CPE: variants seen among roughly 807,000 people sequenced by gnomAD.
CPE encodes the protein carboxypeptidase E.
In CPE, 17 loss-of-function variants were observed where a neutral mutation model predicts 53.5. That is an observed-to-expected ratio of 0.32 (90% CI 0.22 to 0.48). The LOEUF is 0.48. CPE is among the 20% of genes least tolerant of loss of function. The pLI is 0.99. For synonymous variants in CPE, 226 were observed against 228.8 expected (o/e 0.99, Z 0.11); for missense variants, 524 against 614.7 (o/e 0.85, Z 1.56).
chr4:165,481,014 A>ATTT (rs1292540755), intron 3 of CPE, among the ~76,000 whole-genome samples: 13 of 52,998 alleles, frequency 2.5e-4, no homozygotes, highest in African/African-American at 5.5e-4. Flanking sequence ...ATATATATAT[A>ATTT]TATTTTTTTT....
At chr4:165,459,862 C>CCGAGATTGTGCCACTGCACT in intron 1 of CPE, among the ~76,000 whole-genome samples, 1 of 143,904 alleles carries the variant, frequency 6.9e-6, no homozygotes, top group African/African-American at 2.6e-5. Context: ...CTGCAGTGAG[C>CCGAGATTGTGCCACTGCACT]CGAGATTGTG....
chr4:165,450,064 A>AACGGTGAAATT (rs1731783020), intron 1 of CPE, among the ~76,000 whole-genome samples: 11 of 152,154 alleles, frequency 7.2e-5, no homozygotes, highest in Admixed American at 7.2e-4. Context: ...ACATGAAATT[A>AACGGTGAAATT]AAGGTGATTC....
At position 165,484,418 on chromosome 4, in the gene CPE, C is replaced by G. The variant is rs572029817; in HGVS notation, c.791-4C>G. On this transcript the variant is annotated splice_polypyrimidine_tract_variant and splice_region_variant and intron_variant, in intron 4 of 8. Coordinates refer to ENST00000402744, the MANE Select transcript of CPE (RefSeq NM_001873.4). ...TTCTTTAATCTTGTGGATTTGTTTT[C>G]TAGGTAGTGCTCACGAATACAGCTC... The G allele has an allele frequency of 6.2e-7, 1 of 1,612,106 alleles. No homozygotes were observed. Among genetic ancestry groups the G allele is most frequent in the Non-Finnish European group, 8.5e-7 (1 of 1,178,756 alleles).
rs575236443 is a variant in CPE at position 165,451,931 on chromosome 4, G to A, written c.308-12459G>A. 1.7e-4 allele frequency among the ~76,000 whole-genome samples: 25 copies of A among 143,152 alleles called. No individual in the cohort carries two copies. The East Asian group carries it at 3.8e-3, about 22-fold the overall frequency. 93.9% of individuals were successfully genotyped at this position (143,152 alleles called of 152,430 possible). A position where few individuals can be genotyped will look rare whatever the true frequency, so the allele number is the denominator to read the frequency against. On this transcript the variant is annotated intron_variant, in intron 1 of 8. Coordinates refer to ENST00000402744, the MANE Select transcript of CPE (RefSeq NM_001873.4). ...GCCACGTACCGCCCCCCCAACCCCC[G>A]TTTTTTTTTTCGTTTTTTTTAAACA... is the stretch of plus-strand genomic sequence containing the variant.
chr4:165,427,194 T>C (rs1438119), intron 1 of CPE, among the ~76,000 whole-genome samples: 75,686 of 151,972 alleles, frequency 0.5, 19,488 homozygotes, highest in African/African-American at 0.63. Context: ...GGCAAGCCCC[T>C]TGTGCAAAAT....
At chr4:165,485,643 T>G (rs1301227609) in intron 5 of CPE, among the ~76,000 whole-genome samples, 4 of 152,204 alleles carry the variant, frequency 2.6e-5, no homozygotes, top group African/African-American at 9.6e-5. Flanking sequence ...CTTTAATGAC[T>G]TCTTGGAATT....
chr4:165,447,571 TA>T (rs35694424), intron 1 of CPE, among the ~76,000 whole-genome samples: 45,419 of 145,500 alleles, frequency 0.31, 7,006 homozygotes, highest in Middle Eastern at 0.41. Flanking sequence ...ACTCTGTCTT[TA>T]AAAAAAAAAA....
intron 1 of CPE, among the ~76,000 whole-genome samples, chr4:165,448,691 A>T (rs1329142350): frequency 6.6e-6 from 1 of 151,814 alleles, no homozygotes; most frequent in East Asian, 1.9e-4. Flanking sequence ...CTAACTGACC[A>T]CTCCACTCTA....
intron 1 of CPE, chr4:165,404,772 C>A: frequency 1.3e-6 from 1 of 779,294 alleles, no homozygotes; most frequent in Non-Finnish European, 2.4e-6. Context: ...TGCTTGAGAC[C>A]GATTGCTACA....
chr4:165,395,984 CT>C (rs1175381524), intron 1 of CPE, among the ~76,000 whole-genome samples: 1 of 152,138 alleles, frequency 6.6e-6, no homozygotes, highest in African/African-American at 2.4e-5. Context: ...ACCACTGCAA[CT>C]TTTTTCTCTC....
At chr4:165,430,374 A>T (rs1441703248) in intron 1 of CPE, among the ~76,000 whole-genome samples, 1 of 152,190 alleles carries the variant, frequency 6.6e-6, no homozygotes, top group Non-Finnish European at 1.5e-5. Context: ...AAATTTTTTG[A>T]GTTGAGTTTC....
intron 3 of CPE, among the ~76,000 whole-genome samples, chr4:165,478,313 G>A (rs3775315): frequency 0.096 from 14,633 of 152,106 alleles, 854 homozygotes; most frequent in East Asian, 0.16. Flanking sequence ...GTACACAGGG[G>A]TCTCAGGATT....
At chr4:165,497,441 T>C (rs1192760640) in intron 8 of CPE, 71 bp from the exon 9 acceptor site, 2 of 855,028 alleles carry the variant, frequency 2.3e-6, no homozygotes, top group East Asian at 5.8e-5. Context: ...GAAACTGCTC[T>C]TATTTTTTTA....
intron 1 of CPE, chr4:165,386,337 T>C (rs1163907435): frequency 4.2e-6 from 2 of 472,138 alleles, no homozygotes; most frequent in South Asian, 1.6e-5. Flanking sequence ...TGTTTATATA[T>C]ATTTTTTAAT....
intron 3 of CPE, among the ~76,000 whole-genome samples, chr4:165,473,282 T>G (rs1196549366): frequency 6.6e-6 from 1 of 152,196 alleles, no homozygotes; most frequent in African/African-American, 2.4e-5. Flanking sequence ...CCATACAAGA[T>G]CCTTTCTCAT....
chr4:165,406,010 G>A lies in CPE; in HGVS notation c.307+26482G>A. ...TGGTATCTGTGTTACTTCTTGAGGG[G>A]TCTTGCAAGTGGCTAAAATGTTGAT... On this transcript the variant is annotated intron_variant, in intron 1 of 8. Transcript: ENST00000402744. The A allele has an allele frequency of 8.0e-6, 6 of 753,014 alleles. No individual in the cohort carries two copies. The East Asian group carries it at 1.5e-4, about 19-fold the overall frequency. 46.6% of individuals were successfully genotyped at this position (753,014 alleles called of 1,614,324 possible). A position where few individuals can be genotyped will look rare whatever the true frequency, so the allele number is the denominator to read the frequency against.
rs145877250 is a variant in CPE at position 165,482,685 on chromosome 4, G to A, written c.790+326G>A. On this transcript the variant is annotated intron_variant, in intron 4 of 8. Transcript: ENST00000402744. The stretch of plus-strand genomic sequence containing the variant: ...ATAAAGTGGAGAGATTACAGAAGTT[G>A]TGTAGGTTCATGTAGAAGATGGCTT... 2.3e-3 allele frequency among the ~76,000 whole-genome samples: 346 copies of A among 152,312 alleles called. 1 individual carries two copies. The highest frequency in any genetic ancestry group is 8.1e-3 in the African/African-American group (335 of 41,582).
intron 1 of CPE, among the ~76,000 whole-genome samples, chr4:165,458,502 T>C (rs72703668): frequency 0.11 from 17,253 of 152,154 alleles, 1,137 homozygotes; most frequent in Admixed American, 0.15. Context: ...CATCCCAGAG[T>C]AAGTTTCTTG....
At chr4:165,426,469 A>G (rs1292819187) in intron 1 of CPE, among the ~76,000 whole-genome samples, 1 of 152,248 alleles carries the variant, frequency 6.6e-6, no homozygotes, top group African/African-American at 2.4e-5. Context: ...CAGGAGCAGT[A>G]TCACATCAGA....
Sources: gnomAD v4.1 joint callset for allele counts (sites outside exome capture counted in the v4.1 genomes callset) on GRCh38, gnomAD v4.1.1 for gene constraint, MANE v1.5 for transcripts, NCBI Gene and HGNC (gene_info 2026-07-23, HGNC 2026-07-21) for gene names.